The following GABRG3 variants were observed in gnomAD, a reference collection of about 807,000 sequenced individuals.
GABRG3 encodes the protein gamma-aminobutyric acid receptor subunit gamma-3.
Under a neutral mutation model 48.8 loss-of-function variants are expected in GABRG3, and 25 were observed. The observed-to-expected ratio is 0.51, with a 90% CI of 0.37 to 0.72. The LOEUF is 0.72. GABRG3 is among the 30% of genes least tolerant of loss of function. The pLI, the probability that GABRG3 is intolerant of heterozygous loss-of-function variation, is 0.00. For synonymous variants in GABRG3, 227 were observed against 217.6 expected (o/e 1.04, Z -0.38); for missense variants, 394 against 577.9 (o/e 0.68, Z 3.26).
At chr15:27,334,029 A>G (rs1893885401) in intron 5 of GABRG3, among the ~76,000 whole-genome samples, 1 of 152,156 alleles carries the variant, frequency 6.6e-6, no homozygotes, top group Non-Finnish European at 1.5e-5. Flanking sequence ...CTTTTTGTCC[A>G]GCTGATTGGT....
At chr15:27,426,778 G>C (rs1274370124) in intron 5 of GABRG3, among the ~76,000 whole-genome samples, 1 of 152,194 alleles carries the variant, frequency 6.6e-6, no homozygotes. Flanking sequence ...GAGGTATGAT[G>C]CTGCCCCTCA....
rs1896904255 is a variant in GABRG3 at position 27,076,033 on chromosome 15, G to A, written c.270+49212G>A. Among the ~76,000 whole-genome samples, 3 of 152,108 alleles carry A rather than the reference G, an allele frequency of 2.0e-5. No individual in the cohort carries two copies. The South Asian group carries it at 6.2e-4, about 32-fold the overall frequency. ...CTGAGGGTTGCAGAGTCATTTGGGG[G>A]GCTTCCTCACAGTCTTGAGCTTGCA... On this transcript the variant is annotated intron_variant, in intron 3 of 9. Transcript: ENST00000615808.
At chr15:27,526,469 G>A (rs1317166028) in intron 7 of GABRG3, among the ~76,000 whole-genome samples, 6 of 152,156 alleles carry the variant, frequency 3.9e-5, no homozygotes, top group Admixed American at 3.3e-4. Flanking sequence ...CATGAATCTG[G>A]GGTCACTAAC....
intron 3 of GABRG3, among the ~76,000 whole-genome samples, chr15:27,268,265 T>A (rs11263713): frequency 6.6e-6 from 1 of 151,632 alleles, no homozygotes; most frequent in Admixed American, 6.6e-5. Context: ...ATTTGGCCAT[T>A]TGTGTTTTAT....
chr15:27,226,053 C>T (rs1407662213), intron 3 of GABRG3, among the ~76,000 whole-genome samples: 1 of 152,174 alleles, frequency 6.6e-6, no homozygotes, highest in Non-Finnish European at 1.5e-5. Flanking sequence ...GCTTTTGGTG[C>T]TGGGATGTCC....
intron 3 of GABRG3, among the ~76,000 whole-genome samples, chr15:27,168,178 C>T (rs1325805922): frequency 3.3e-5 from 5 of 151,468 alleles, no homozygotes. Flanking sequence ...CAATACATGG[C>T]TTGACGTCCA....
At chr15:27,113,487 A>C (rs1038337601) in intron 3 of GABRG3, among the ~76,000 whole-genome samples, 2 of 152,142 alleles carry the variant, frequency 1.3e-5, no homozygotes, top group Non-Finnish European at 2.9e-5. Context: ...GTAGTGACCC[A>C]GGTGGAGGGC....
At chr15:27,280,861 C>G (rs1278814066) in intron 3 of GABRG3, among the ~76,000 whole-genome samples, 1 of 152,086 alleles carries the variant, frequency 6.6e-6, no homozygotes, top group Non-Finnish European at 1.5e-5. Flanking sequence ...TATTGTCTAA[C>G]CCTTTTATAT....
chr15:26,985,982 T>G (rs1214127941), intron 2 of GABRG3, among the ~76,000 whole-genome samples: 1 of 152,156 alleles, frequency 6.6e-6, no homozygotes, highest in African/African-American at 2.4e-5. Context: ...CGATCCACTG[T>G]GTCCTGATGA....
At chr15:27,062,868 A>C in intron 3 of GABRG3, among the ~76,000 whole-genome samples, 1 of 152,242 alleles carries the variant, frequency 6.6e-6, no homozygotes. Flanking sequence ...GAAATTTAAC[A>C]GTTAATTTCT....
intron 5 of GABRG3, chr15:27,350,239 G>A (rs1894516126): frequency 2.2e-6 from 1 of 454,608 alleles, no homozygotes; most frequent in Non-Finnish European, 4.4e-6. Flanking sequence ...CCATTCGTGG[G>A]GAAATGAAGG....
chr15:27,341,385 A>T (rs1174685549), intron 5 of GABRG3, among the ~76,000 whole-genome samples: 2 of 152,078 alleles, frequency 1.3e-5, no homozygotes, highest in Admixed American at 1.3e-4. Context: ...AGTTTAGAAA[A>T]CTTTTATAAA....
rs1188973501 is a variant in GABRG3 at position 26,974,156 on chromosome 15, G to A, written c.53+2568G>A. 6.6e-6 allele frequency among the ~76,000 whole-genome samples: 1 copy of A among 152,118 alleles called. No homozygotes were observed. The highest frequency in any genetic ancestry group is 1.5e-5 in the Non-Finnish European group (1 of 68,020). ...GCATCTCGGCCTCACTCTGCCCACTGCCTACCCAACCAGGCTACACAGCTG... is the reference window on the plus strand; with the variant it reads ...GCATCTCGGCCTCACTCTGCCCACTACCTACCCAACCAGGCTACACAGCTG... On this transcript the variant is annotated intron_variant, in intron 1 of 9. Coordinates refer to ENST00000615808, the MANE Select transcript of GABRG3 (RefSeq NM_033223.5). The surrounding 1 kb of genome is among the most constrained non-coding windows in gnomAD (Gnocchi z 4.3).
chr15:27,229,129 A>C (rs11852242), intron 3 of GABRG3, among the ~76,000 whole-genome samples: 25,724 of 152,012 alleles, frequency 0.17, 2,911 homozygotes, highest in East Asian at 0.41. Flanking sequence ...TTTGTCACGA[A>C]CTTTTTGCCC....
At chr15:27,212,027 G>T (rs980456672) in intron 3 of GABRG3, among the ~76,000 whole-genome samples, 2 of 152,162 alleles carry the variant, frequency 1.3e-5, no homozygotes, top group African/African-American at 4.8e-5. Context: ...TTCAGTGTTG[G>T]CTCTGTTTCC....
At chr15:27,320,785 T>A (rs999536629) in intron 3 of GABRG3, among the ~76,000 whole-genome samples, 1 of 152,206 alleles carries the variant, frequency 6.6e-6, no homozygotes, top group Non-Finnish European at 1.5e-5. Flanking sequence ...TTGTGATATT[T>A]GCAGTTTTAA....
At chr15:27,433,446 C>T (rs1338488937) in intron 5 of GABRG3, among the ~76,000 whole-genome samples, 1 of 152,148 alleles carries the variant, frequency 6.6e-6, no homozygotes, top group African/African-American at 2.4e-5. Context: ...TGGACATTCT[C>T]CTTCAGCTGT....
At chr15:27,494,330 A>G (rs1353114795) in intron 6 of GABRG3, among the ~76,000 whole-genome samples, 2 of 152,128 alleles carry the variant, frequency 1.3e-5, no homozygotes, top group African/African-American at 4.8e-5. Context: ...TTTTTAAATA[A>G]TATTTATGAG....
At chr15:27,280,027 T>C (rs938030429) in intron 3 of GABRG3, among the ~76,000 whole-genome samples, 1 of 152,132 alleles carries the variant, frequency 6.6e-6, no homozygotes, top group Non-Finnish European at 1.5e-5. Context: ...ACAGGTTTGT[T>C]ATTTATATTG....
Sources: gnomAD v4.1 joint callset for allele counts (sites outside exome capture counted in the v4.1 genomes callset) on GRCh38, gnomAD v4.1.1 for gene constraint, Gnocchi (gnomAD v3.1) non-coding constraint, MANE v1.5 for transcripts, NCBI Gene and HGNC (gene_info 2026-07-23, HGNC 2026-07-21) for gene names.